Variants in PARD3 observed in about 807,000 individuals in gnomAD.
PARD3 encodes the protein par-3 family cell polarity regulator.
A neutral mutation model predicts 155.4 loss-of-function variants in PARD3; 75 were observed. The ratio of observed to expected loss-of-function variants is 0.48; its 90% CI spans 0.40 to 0.58. The LOEUF (loss-of-function observed/expected upper bound fraction) is 0.58, where lower values mean the gene tolerates loss of function less well. Ranked by LOEUF, PARD3 falls within the 20% of genes least tolerant of loss-of-function variation. The probability of loss-of-function intolerance (pLI) is 0.00; values close to 1 mark genes in which losing one functional copy is unlikely to be tolerated. For missense variants in PARD3, 1,642 were observed against 1,721.7 expected (o/e 0.95, Z 0.82); for synonymous variants, 576 against 610.5 (o/e 0.94, Z 0.83).
At chr10:34,166,585 T>G (rs997948659) in intron 22 of PARD3, among the ~76,000 whole-genome samples, 1 of 151,594 alleles carries the variant, frequency 6.6e-6, no homozygotes, top group Non-Finnish European at 1.5e-5. Context: ...ACCATGACCA[T>G]GCCGCTTCAC....
At chr10:34,227,856 T>TTATATATATATATATATATATA (rs55681930) in intron 22 of PARD3, among the ~76,000 whole-genome samples, 884 of 81,814 alleles carry the variant, frequency 0.011, 22 homozygotes, top group Non-Finnish European at 0.016. Context: ...GAATTATTTT[T>TTATATATATATATATATATATA]TATATATATA....
intron 7 of PARD3, among the ~76,000 whole-genome samples, chr10:34,393,553 G>C (rs986065574): frequency 6.6e-6 from 1 of 151,074 alleles, no homozygotes; most frequent in Non-Finnish European, 1.5e-5. Flanking sequence ...CCGGGCAACA[G>C]AGTGAGAAGC....
chr10:34,125,071 C>CTTTTTTTTTTTTTTTTTTTTT (rs71523316), intron 23 of PARD3, among the ~76,000 whole-genome samples: 2 of 140,648 alleles, frequency 1.4e-5, no homozygotes, highest in African/African-American at 5.6e-5. Flanking sequence ...CTATTTCTTT[C>CTTTTTTTTTTTTTTTTTTTTT]TTTTTTTTTT....
chr10:34,637,522 T>A (rs1248993973), intron 2 of PARD3, among the ~76,000 whole-genome samples: 1 of 152,186 alleles, frequency 6.6e-6, no homozygotes, highest in African/African-American at 2.4e-5. Flanking sequence ...GGATCGTGCA[T>A]TTGAATTCAC....
At chr10:34,747,373 T>A (rs7908577) in intron 1 of PARD3, among the ~76,000 whole-genome samples, 503 of 152,266 alleles carry the variant, frequency 3.3e-3, no homozygotes, top group African/African-American at 0.012. Context: ...CTTGAGGATC[T>A]AAGCACCAGC....
chr10:34,420,698 A>T (rs1038084992), intron 5 of PARD3, among the ~76,000 whole-genome samples: 2 of 152,216 alleles, frequency 1.3e-5, no homozygotes, highest in Non-Finnish European at 2.9e-5. Flanking sequence ...TAATAAAAAC[A>T]CATCACTTGC....
At chr10:34,715,206 T>C (rs1564538429) in intron 1 of PARD3, among the ~76,000 whole-genome samples, 1 of 151,854 alleles carries the variant, frequency 6.6e-6, no homozygotes, top group Non-Finnish European at 1.5e-5. Flanking sequence ...GCCTTCCAAG[T>C]AGCTGAGATT....
chr10:34,556,021 A>T (rs2084951992), intron 2 of PARD3, among the ~76,000 whole-genome samples: 1 of 152,242 alleles, frequency 6.6e-6, no homozygotes, highest in Non-Finnish European at 1.5e-5. Flanking sequence ...AAGAAAACTT[A>T]GCAACACTAG....
intron 5 of PARD3, among the ~76,000 whole-genome samples, chr10:34,417,153 C>T (rs1354338630): frequency 6.6e-6 from 1 of 151,352 alleles, no homozygotes; most frequent in African/African-American, 2.5e-5. Flanking sequence ...AGCTTCAAGC[C>T]TTTGGGGAGA....
chr10:34,682,256 C>A (rs770721898), intron 2 of PARD3, among the ~76,000 whole-genome samples: 11 of 148,816 alleles, frequency 7.4e-5, no homozygotes, highest in African/African-American at 1.0e-4. Flanking sequence ...CACATTCAGA[C>A]GCAAGGAACT....
At chr10:34,241,245 G>C (rs1299552022) in intron 22 of PARD3, among the ~76,000 whole-genome samples, 1 of 152,192 alleles carries the variant, frequency 6.6e-6, no homozygotes, top group Non-Finnish European at 1.5e-5. Flanking sequence ...ATAACAGGAA[G>C]ATGCCAGTCA....
intron 3 of PARD3, among the ~76,000 whole-genome samples, chr10:34,489,035 C>A (rs2079686984): frequency 6.6e-6 from 1 of 152,210 alleles, no homozygotes; most frequent in Non-Finnish European, 1.5e-5. Flanking sequence ...CAAAGTCTTT[C>A]TTCCAAAGAC....
chr10:34,780,225 T>C (rs1466791281), intron 1 of PARD3, among the ~76,000 whole-genome samples: 1 of 152,242 alleles, frequency 6.6e-6, no homozygotes, highest in Non-Finnish European at 1.5e-5. Flanking sequence ...CCAAATACCT[T>C]CCTGGTTTTC....
At chr10:34,305,676 T>C (rs1388303282) in intron 20 of PARD3, among the ~76,000 whole-genome samples, 2 of 152,218 alleles carry the variant, frequency 1.3e-5, no homozygotes, top group African/African-American at 4.8e-5. Flanking sequence ...GACAGTCTTA[T>C]GTAGAGAATA....
At chr10:34,355,773 A>C (rs1269750347) in intron 14 of PARD3, among the ~76,000 whole-genome samples, 1 of 151,898 alleles carries the variant, frequency 6.6e-6, no homozygotes, top group East Asian at 1.9e-4. Flanking sequence ...CCAAAAATAC[A>C]AAAAATTAGC....
At chr10:34,698,012 G>A (rs1004240156) in intron 1 of PARD3, among the ~76,000 whole-genome samples, 3 of 152,028 alleles carry the variant, frequency 2.0e-5, no homozygotes, top group African/African-American at 7.3e-5. Flanking sequence ...TCCTGGGGGT[G>A]AATAAGAAAG....
chr10:34,518,226 A>G (rs1482984599), intron 2 of PARD3, among the ~76,000 whole-genome samples: 1 of 152,126 alleles, frequency 6.6e-6, no homozygotes, highest in East Asian at 1.9e-4. Context: ...ACACCGACAA[A>G]TGGGTAAGTA....
At chr10:34,782,944 C>T (rs771900052) in intron 1 of PARD3, among the ~76,000 whole-genome samples, 1 of 152,000 alleles carries the variant, frequency 6.6e-6, no homozygotes, top group Non-Finnish European at 1.5e-5. Context: ...AGGCTGGTCT[C>T]GAACTCCTGA....
chr10:34,628,699 G>A (rs552764107), intron 2 of PARD3, among the ~76,000 whole-genome samples: 396 of 152,354 alleles, frequency 2.6e-3, no homozygotes, highest in Non-Finnish European at 4.6e-3. Flanking sequence ...GCGCAGCACT[G>A]ATGGGCCTGA....
Sources: allele counts gnomAD v4.1 joint callset (sites outside exome capture counted in the v4.1 genomes callset), GRCh38; gene constraint gnomAD v4.1.1; transcripts MANE v1.5; gene names NCBI Gene and HGNC (gene_info 2026-07-23, HGNC 2026-07-21).